SSR1: variants seen among roughly 807,000 people sequenced by gnomAD.
SSR1 encodes signal sequence receptor subunit 1, also known as translocon-associated protein subunit alpha.
In SSR1, 13 loss-of-function variants were observed where a neutral mutation model predicts 36.1. The ratio of observed to expected loss-of-function variants is 0.36; its 90% CI spans 0.23 to 0.57. The LOEUF is 0.57. Among genes scored for constraint, SSR1 ranks in the 20% least tolerant of loss-of-function variants. The pLI is 0.81. For missense variants in SSR1, 291 were observed against 338.5 expected, an observed-to-expected ratio of 0.86 and a Z score of 1.10; for synonymous variants, 113 against 118.9, an observed-to-expected ratio of 0.95 and a Z score of 0.32.
chr6:7,289,820 T>A lies in SSR1; in HGVS notation c.*44A>T, dbSNP rs1446225567. Reference sequence around the variant, plus strand: ...TAATTCCCATCAGGCCGAAAAATATTAGGGCAGGTTAAGTAAAGACCGAAT... The same window carrying A: ...TAATTCCCATCAGGCCGAAAAATATAAGGGCAGGTTAAGTAAAGACCGAAT... On this transcript the variant is annotated 3_prime_UTR_variant, in exon 8 of 8. Coordinates refer to ENST00000244763, the MANE Select transcript of SSR1 (RefSeq NM_003144.5). 6.5e-7 allele frequency: 1 copy of A among 1,544,084 alleles called. No individual in the cohort carries two copies.
chr6:7,311,311 T>C (rs1439129932), intron 1 of SSR1, among the ~76,000 whole-genome samples: 2 of 152,188 alleles, frequency 1.3e-5, no homozygotes, highest in Non-Finnish European at 2.9e-5. Flanking sequence ...AATTTCAAAG[T>C]TCTAGTGTCT....
At chr6:7,294,989 T>A in intron 7 of SSR1, 1 of 1,077,686 alleles carries the variant, frequency 9.3e-7, no homozygotes, top group East Asian at 2.9e-5. Context: ...GTAAGAAAAA[T>A]TGTTCCATTA....
rs2113264546 is a variant in SSR1, at chr6:7,286,527, G to A, written c.*3337C>T. ...TGTGAAGCTGCTTTTTACTAAGTTG[G>A]AGGTAAGAGCTCAAAGTAGAGTTTT... On this transcript the variant is annotated 3_prime_UTR_variant, in exon 8 of 8. Coordinates refer to ENST00000244763, the MANE Select transcript of SSR1 (RefSeq NM_003144.5). 2 of 152,272 alleles carry A rather than the reference G, an allele frequency of 1.3e-5. No individual in the cohort carries two copies. Among genetic ancestry groups the A allele is most frequent in the South Asian group, 4.1e-4 (2 of 4,822 alleles). The allele number at this position is 152,272 out of a possible 1,614,324, so 9.4% of individuals were successfully genotyped here.
At chr6:7,291,916 A>G (rs1252640500) in intron 7 of SSR1, among the ~76,000 whole-genome samples, 1 of 151,842 alleles carries the variant, frequency 6.6e-6, no homozygotes, top group African/African-American at 2.4e-5. Context: ...TACAACAAAT[A>G]TAAAAATTCA....
intron 7 of SSR1, among the ~76,000 whole-genome samples, chr6:7,291,936 G>A (rs1467247895): frequency 6.6e-6 from 1 of 152,122 alleles, no homozygotes; most frequent in Non-Finnish European, 1.5e-5. Flanking sequence ...AGCTGGGCAT[G>A]GTGGTGTGCG....
intron 2 of SSR1, among the ~76,000 whole-genome samples, chr6:7,304,603 A>G (rs1317732165): frequency 1.3e-5 from 2 of 152,206 alleles, no homozygotes; most frequent in African/African-American, 2.4e-5. Context: ...TAAATTTACT[A>G]AGTGTATGTT....
intron 6 of SSR1, chr6:7,297,062 C>G: frequency 1.4e-5 from 4 of 284,682 alleles, no homozygotes; most frequent in South Asian, 1.0e-4. Context: ...CTCTACAAAA[C>G]ATACAAAAAT....
At chr6:7,311,326 A>C (rs1012747663) in intron 1 of SSR1, among the ~76,000 whole-genome samples, 2 of 152,240 alleles carry the variant, frequency 1.3e-5, no homozygotes, top group African/African-American at 4.8e-5. Flanking sequence ...GTGTCTTCCA[A>C]CATCTCTCAG....
chr6:7,297,128 G>A, intron 6 of SSR1: 1 of 347,828 alleles, frequency 2.9e-6, no homozygotes, highest in Non-Finnish European at 5.8e-6. Context: ...GCTGAGGTGG[G>A]AGGATGACTT....
rs1757556440 is a variant in SSR1, at chr6:7,286,450, G to C, written c.*3414C>G. On this transcript the variant is annotated 3_prime_UTR_variant, in exon 8 of 8. Transcript: ENST00000244763. ...TCCTCTAAGGATGAGCTTATAGACA[G>C]ATTAACTTAACAACGAAACCTAACA... The C allele has an allele frequency of 6.6e-6, 1 of 152,230 alleles. No individual in the cohort carries two copies. The highest frequency in any genetic ancestry group is 1.5e-5 in the Non-Finnish European group (1 of 68,038). The allele number at this position is 152,230 out of a possible 1,614,324, so 9.4% of individuals were successfully genotyped here.
intron 4 of SSR1, among the ~76,000 whole-genome samples, chr6:7,299,899 A>G (rs1039026997): frequency 3.9e-5 from 6 of 152,172 alleles, no homozygotes; most frequent in East Asian, 1.9e-4. Flanking sequence ...ACTTATTGCT[A>G]AACTGTAATT....
intron 7 of SSR1, 134 bp downstream of exon 7, chr6:7,295,258 C>T (rs930390397): frequency 1.3e-4 from 139 of 1,076,778 alleles, no homozygotes; most frequent in South Asian, 7.5e-5. Context: ...AATCACTATA[C>T]TAGATTCTAC....
chr6:7,295,480 CT>C lies in SSR1; in HGVS notation c.704del (p.Lys235ArgfsTer7). On this transcript the variant is annotated frameshift_variant, in exon 7 of 8. Transcript: ENST00000244763. LOFTEE classifies it high-confidence loss of function. ...CCATTTCTACTTTCTGTATGGGTCT[CT>C]TACGCTAAAAGAACATAAAGACATA... ...LHQLLESRKR[K>X]RPIQKVEMGT... The C allele has an allele frequency of 6.3e-7, 1 of 1,595,012 alleles. No individual in the cohort carries two copies. Among genetic ancestry groups the C allele is most frequent in the Non-Finnish European group, 8.5e-7 (1 of 1,170,808 alleles).
At chr6:7,297,193 T>G (rs1352723900) in intron 6 of SSR1, 4 of 166,652 alleles carry the variant, frequency 2.4e-5, no homozygotes, top group South Asian at 1.9e-4. Context: ...CACTCCATCC[T>G]GGATGAAAGA....
In SSR1 at chr6:7,289,188, A is replaced by G. The variant is rs558913006; in HGVS notation, c.*676T>C. 2.6e-5 allele frequency: 4 copies of G among 152,278 alleles called. No individual in the cohort carries two copies. Among genetic ancestry groups the G allele is most frequent in the African/African-American group, 9.6e-5 (4 of 41,542 alleles). 9.4% of individuals were successfully genotyped at this position (152,278 alleles called of 1,614,324 possible). A position where few individuals can be genotyped will look rare whatever the true frequency, so the allele number is the denominator to read the frequency against. On this transcript the variant is annotated 3_prime_UTR_variant, in exon 8 of 8. Transcript: ENST00000244763. ...GTTTCTTTTTGTTAAAAAAGGGGGT[A>G]GGATTAGGTTTCATATATTAAAGTC...
At chr6:7,311,614 A>G (rs1264709485) in intron 1 of SSR1, among the ~76,000 whole-genome samples, 2 of 152,248 alleles carry the variant, frequency 1.3e-5, no homozygotes, top group Non-Finnish European at 2.9e-5. Flanking sequence ...TGTCTGATAT[A>G]GTAATTTAAA....
chr6:7,306,734 G>A (rs890580300), intron 2 of SSR1, among the ~76,000 whole-genome samples: 3 of 151,590 alleles, frequency 2.0e-5, no homozygotes, highest in Admixed American at 6.6e-5. Context: ...GGCTAACATG[G>A]TGAAACCCCG....
Position 7,285,702 on chromosome 6 carries a change from G to GA in SSR1, c.*4161dup, listed in dbSNP as rs1757537702. 1.3e-5 allele frequency: 2 copies of GA among 151,178 alleles called. No individual in the cohort carries two copies. The highest frequency in any genetic ancestry group is 6.6e-5 in the Admixed American group (1 of 15,142). The allele number at this position is 151,178 out of a possible 1,614,324, so 9.4% of individuals were successfully genotyped here. A position where few individuals can be genotyped will look rare whatever the true frequency, so the allele number is the denominator to read the frequency against. ...TCAAAAAAAAAAAGAAAAAGAAAAA[G>GA]AAAAAAGATAAAAGCAGCTTTACCC... On this transcript the variant is annotated 3_prime_UTR_variant, in exon 8 of 8. Coordinates refer to ENST00000244763, the MANE Select transcript of SSR1 (RefSeq NM_003144.5). This position sits in a 1 kb window ranked among gnomAD's most constrained non-coding sequence, Gnocchi z 4.1.
chr6:7,309,138 T>C (rs949256052), intron 2 of SSR1, among the ~76,000 whole-genome samples: 1 of 152,214 alleles, frequency 6.6e-6, no homozygotes, highest in Admixed American at 6.5e-5. Flanking sequence ...CTCTAAAAGT[T>C]GGGATTTTAA....
Sources: allele counts gnomAD v4.1 joint callset (sites outside exome capture counted in the v4.1 genomes callset), GRCh38; gene constraint gnomAD v4.1.1; non-coding constraint Gnocchi (gnomAD v3.1); transcripts MANE v1.5; gene names NCBI Gene and HGNC (gene_info 2026-07-23, HGNC 2026-07-21).